Variants in XKR4 observed in about 807,000 individuals in gnomAD.
XKR4 encodes the protein XK-related protein 4.
XKR4 carries 12 observed loss-of-function variants against 53.9 expected under a neutral mutation model. The observed-to-expected ratio is 0.22, with a 90% confidence interval of 0.14 to 0.36. The LOEUF (loss-of-function observed/expected upper bound fraction) is 0.36. XKR4 is among the 10% of genes least tolerant of loss of function. The probability of loss-of-function intolerance (pLI) is 1.00; values close to 1 mark genes in which losing one functional copy is unlikely to be tolerated. For synonymous variants in XKR4, 354 were observed against 362.4 expected (o/e 0.98, Z 0.26); for missense variants, 799 against 859.5 (o/e 0.93, Z 0.88).
At chr8:55,412,694 T>C (rs1456134744) in intron 2 of XKR4, among the ~76,000 whole-genome samples, 4 of 152,236 alleles carry the variant, frequency 2.6e-5, no homozygotes, top group Non-Finnish European at 2.9e-5. Flanking sequence ...CTGATTCAAA[T>C]AGGAGAATTT....
intron 1 of XKR4, among the ~76,000 whole-genome samples, chr8:55,167,680 C>T (rs1817088783): frequency 6.6e-6 from 1 of 152,116 alleles, no homozygotes; most frequent in Admixed American, 6.5e-5. Context: ...CTAACTAGTA[C>T]AGTGTCCAGA....
At chr8:55,347,430 C>T (rs1166047350) in intron 1 of XKR4, among the ~76,000 whole-genome samples, 7 of 152,118 alleles carry the variant, frequency 4.6e-5, no homozygotes, top group Non-Finnish European at 8.8e-5. Flanking sequence ...TGCACATCTT[C>T]AAAAATGCTA....
intron 1 of XKR4, among the ~76,000 whole-genome samples, chr8:55,173,694 C>T (rs1033208417): frequency 6.6e-6 from 1 of 152,290 alleles, no homozygotes; most frequent in East Asian, 1.9e-4. Context: ...GACACAATAG[C>T]CTTTCCCAAG....
At chr8:55,340,030 G>A (rs1443472027) in intron 1 of XKR4, among the ~76,000 whole-genome samples, 1 of 152,112 alleles carries the variant, frequency 6.6e-6, no homozygotes, top group Non-Finnish European at 1.5e-5. Context: ...GAACAGAATG[G>A]TTCAAATTAT....
At chr8:55,384,416 G>A (rs2129387854) in intron 2 of XKR4, among the ~76,000 whole-genome samples, 1 of 152,310 alleles carries the variant, frequency 6.6e-6, no homozygotes, top group African/African-American at 2.4e-5. Flanking sequence ...TATGGTTAGA[G>A]TAAGAATGGC....
chr8:55,332,270 A>G (rs546158504), intron 1 of XKR4, among the ~76,000 whole-genome samples: 1 of 152,252 alleles, frequency 6.6e-6, no homozygotes, highest in East Asian at 1.9e-4. Flanking sequence ...GCATATACCC[A>G]CTAACATACA....
intron 1 of XKR4, among the ~76,000 whole-genome samples, chr8:55,326,754 A>G (rs1405993848): frequency 6.6e-6 from 1 of 151,974 alleles, no homozygotes; most frequent in Non-Finnish European, 1.5e-5. Context: ...TACAGGTGTG[A>G]GCCACCACAT....
At chr8:55,349,316 T>C (rs912155537) in intron 1 of XKR4, among the ~76,000 whole-genome samples, 1 of 152,188 alleles carries the variant, frequency 6.6e-6, no homozygotes. Context: ...GGAAATGCAG[T>C]AAATACCATC....
chr8:55,384,998 A>G (rs1293987180), intron 2 of XKR4, among the ~76,000 whole-genome samples: 2 of 152,204 alleles, frequency 1.3e-5, no homozygotes, highest in Non-Finnish European at 2.9e-5. Context: ...GCCTTAATAC[A>G]ACAATAGTGT....
chr8:55,283,750 A>G (rs1163665931), intron 1 of XKR4, among the ~76,000 whole-genome samples: 1 of 152,240 alleles, frequency 6.6e-6, no homozygotes, highest in African/African-American at 2.4e-5. Context: ...TCTATTCAGA[A>G]TAAAGAAAAC....
At chr8:55,134,421 G>C (rs1414386849) in intron 1 of XKR4, among the ~76,000 whole-genome samples, 6 of 152,220 alleles carry the variant, frequency 3.9e-5, no homozygotes, top group African/African-American at 1.4e-4. Context: ...ATACATTCAT[G>C]TGCCAATGCT....
At position 55,534,443 on chromosome 8, in the gene XKR4, G is replaced by C. The variant is rs944004448; in HGVS notation, c.*10216G>C. On this transcript the variant is annotated 3_prime_UTR_variant, in exon 3 of 3. Coordinates refer to ENST00000327381, the MANE Select transcript of XKR4 (RefSeq NM_052898.2). ...GGCTGGAGTGCAGTGGCACAATCTC[G>C]GCTCACTGCAAGCTCTGCCTCCCAG... 1 of 122,424 alleles carries C rather than the reference G, an allele frequency of 8.2e-6. No homozygotes were observed. The highest frequency in any genetic ancestry group is 1.1e-4 in the Admixed American group (1 of 8,884). The allele number at this position is 122,424 out of a possible 1,614,324, so 7.6% of individuals were successfully genotyped here.
chr8:55,235,639 C>A (rs1818109630), intron 1 of XKR4, among the ~76,000 whole-genome samples: 1 of 152,108 alleles, frequency 6.6e-6, no homozygotes, highest in African/African-American at 2.4e-5. Flanking sequence ...AACTGTCTCC[C>A]TACCTCCCTC....
chr8:55,444,819 C>A (rs1805321989), intron 2 of XKR4, among the ~76,000 whole-genome samples: 2 of 152,160 alleles, frequency 1.3e-5, no homozygotes, highest in African/African-American at 2.4e-5. Flanking sequence ...CAAAACTCAG[C>A]AATTCTTTTT....
chr8:55,248,164 T>G (rs1235073484), intron 1 of XKR4, among the ~76,000 whole-genome samples: 2 of 152,150 alleles, frequency 1.3e-5, no homozygotes, highest in African/African-American at 4.8e-5. Context: ...CTATTTTTTC[T>G]TATTCACCCC....
chr8:55,504,947 T>C (rs1806501394), intron 2 of XKR4, among the ~76,000 whole-genome samples: 1 of 152,066 alleles, frequency 6.6e-6, no homozygotes, highest in Admixed American at 6.5e-5. Flanking sequence ...GTTCTTTTTT[T>C]TTCTTAATCT....
chr8:55,184,528 C>T (rs1817352055), intron 1 of XKR4, among the ~76,000 whole-genome samples: 1 of 152,172 alleles, frequency 6.6e-6, no homozygotes, highest in Non-Finnish European at 1.5e-5. Context: ...ATTACCAAGC[C>T]TTGACTTTTC....
chr8:55,392,180 A>G (rs1190829985), intron 2 of XKR4, among the ~76,000 whole-genome samples: 3 of 152,224 alleles, frequency 2.0e-5, no homozygotes, highest in Non-Finnish European at 4.4e-5. Context: ...GGAAAAAATG[A>G]CAACCCAACT....
intron 1 of XKR4, among the ~76,000 whole-genome samples, chr8:55,239,329 G>A (rs985332502): frequency 1.3e-5 from 2 of 152,172 alleles, no homozygotes; most frequent in Non-Finnish European, 2.9e-5. Flanking sequence ...GAAAAGGAAG[G>A]CAACAGATCA....
Sources: allele counts gnomAD v4.1 joint callset (sites outside exome capture counted in the v4.1 genomes callset), GRCh38; gene constraint gnomAD v4.1.1; transcripts MANE v1.5; gene names NCBI Gene and HGNC (gene_info 2026-07-23, HGNC 2026-07-21).